FAM186A: variants seen among roughly 807,000 people sequenced by gnomAD.
The protein encoded by FAM186A is protein FAM186A.
In FAM186A, 163 loss-of-function variants were observed where a neutral mutation model predicts 216.8. The observed-to-expected ratio is 0.75, with a 90% CI of 0.66 to 0.86. The LOEUF (loss-of-function observed/expected upper bound fraction) is 0.86, where lower values mean the gene tolerates loss of function less well. FAM186A is among the 40% of genes least tolerant of loss of function. The pLI, the probability that FAM186A is intolerant of heterozygous loss-of-function variation, is 0.00. For missense variants in FAM186A, 2,184 were observed against 2,746.2 expected, an observed-to-expected ratio of 0.80 and a Z score of 4.58; for synonymous variants, 805 against 1,025.3, an observed-to-expected ratio of 0.79 and a Z score of 4.10.
chr12:50,391,425 C>T (rs1217228631), intron 1 of FAM186A, among the ~76,000 whole-genome samples: 2 of 151,404 alleles, frequency 1.3e-5, no homozygotes, highest in Admixed American at 6.6e-5. Context: ...AAGCAATTCT[C>T]CTGCCTCAGC....
chr12:50,375,393 CA>C (rs1253363336), intron 1 of FAM186A, among the ~76,000 whole-genome samples: 1 of 151,500 alleles, frequency 6.6e-6, no homozygotes, highest in Middle Eastern at 3.2e-3. Context: ...ACTAAAAATA[CA>C]AAAAATTAGC....
intron 1 of FAM186A, among the ~76,000 whole-genome samples, chr12:50,363,636 CTT>C (rs1446857199): frequency 1.3e-5 from 2 of 151,936 alleles, no homozygotes; most frequent in East Asian, 3.9e-4. Flanking sequence ...ATTAAAATGA[CTT>C]TTAATAAATC....
At chr12:50,327,977 T>A (rs1942621802) in intron 7 of FAM186A, among the ~76,000 whole-genome samples, 1 of 152,300 alleles carries the variant, frequency 6.6e-6, no homozygotes, top group African/African-American at 2.4e-5. Context: ...GAACATGGCT[T>A]AAATATTGAT....
chr12:50,351,479 C>G lies in FAM186A; in HGVS notation c.5353G>C (p.Glu1785Gln). The change falls in exon 4 of 8, where the codon GAG (glutamate) becomes CAG (glutamine). Residue 1785 changes from glutamate to glutamine, a missense_variant. Physicochemically the swap from Glu to Gln is conservative, Grantham distance 29 (BLOSUM62 2). Around this residue, in one of 7 missense-constraint regions of FAM186A, gnomAD observed 721 missense variants for 816.4 expected, o/e 0.88. Transcript: ENST00000327337. ...GKPLEMGILS[E>Q]PGKLGAPQTL... The stretch of plus-strand genomic sequence containing the variant: ...TGTGGTGCCCCAAGCTTCCCAGGCT[C>G]AGAAAGAATCCCCATTTCTAGGGGC... 1 of 1,482,968 alleles carries G rather than the reference C, an allele frequency of 6.7e-7. No individual in the cohort carries two copies. The highest frequency in any genetic ancestry group is 2.5e-5 in the East Asian group (1 of 40,608). 91.9% of individuals were successfully genotyped at this position (1,482,968 alleles called of 1,614,324 possible). A position where few individuals can be genotyped will look rare whatever the true frequency, so the allele number is the denominator to read the frequency against.
rs1427634130 is a variant in FAM186A at position 50,331,709 on chromosome 12, A to G, written c.6809T>C (p.Met2270Thr). The G allele has an allele frequency of 1.3e-6, 2 of 1,547,266 alleles. No individual in the cohort carries two copies. The highest frequency in any genetic ancestry group is 2.0e-5 in the Admixed American group (1 of 49,588). ...FVQKPFLKLL[M>T]EEDRTSDICK... is the part of the protein sequence containing the mutation. ...TATGTCAGAGGTTCTGTCCTCTTCC[A>G]TTAGTAATTTTAAGAATGGCTTTTG... is the stretch of plus-strand genomic sequence containing the variant. The change falls in exon 6 of 8, where the codon ATG becomes ACG. Residue 2270 changes from methionine to threonine, a missense_variant. Met to Thr is a moderately conservative substitution (Grantham distance 81). This residue lies in a region of FAM186A where 721 missense variants were observed against 816.4 expected (regional missense o/e 0.88). Transcript: ENST00000327337.
At chr12:50,383,278 A>AAAGAGAG (rs1555218962) in intron 1 of FAM186A, among the ~76,000 whole-genome samples, 1 of 49,244 alleles carries the variant, frequency 2.0e-5, no homozygotes, top group Non-Finnish European at 4.4e-5. Flanking sequence ...AAAAAAAAAA[A>AAAGAGAG]AGAGAGAGAG....
chr12:50,343,287 C>T (rs1421808481), intron 4 of FAM186A, among the ~76,000 whole-genome samples: 1 of 152,158 alleles, frequency 6.6e-6, no homozygotes, highest in Non-Finnish European at 1.5e-5. Context: ...AGCAATCCTC[C>T]CGCCTTAGCT....
At chr12:50,376,081 C>G (rs1235975504) in intron 1 of FAM186A, among the ~76,000 whole-genome samples, 1 of 152,162 alleles carries the variant, frequency 6.6e-6, no homozygotes, top group Non-Finnish European at 1.5e-5. Context: ...ACCAGACATA[C>G]CACAAGCAGG....
At chr12:50,380,063 A>T (rs553158130) in intron 1 of FAM186A, among the ~76,000 whole-genome samples, 1 of 152,326 alleles carries the variant, frequency 6.6e-6, no homozygotes, top group South Asian at 2.1e-4. Context: ...AATGTTTCAC[A>T]TACATACCTT....
chr12:50,387,306 G>A (rs1388318870), intron 1 of FAM186A, among the ~76,000 whole-genome samples: 1 of 152,214 alleles, frequency 6.6e-6, no homozygotes, highest in Non-Finnish European at 1.5e-5. Flanking sequence ...CTGGTTTATT[G>A]AAGAGATGCT....
Position 50,339,021 on chromosome 12 carries a change from A to AT in FAM186A, c.6504-4919dup, listed in dbSNP as rs906179783. 2.9e-3 allele frequency among the ~76,000 whole-genome samples: 423 copies of AT among 147,844 alleles called. 2 individuals carry two copies. Among genetic ancestry groups the AT allele is most frequent in the South Asian group, 0.02 (92 of 4,668 alleles). ...TTTTTACTGTTTCAAGACTGTAGTA[A>AT]TTTTTTTTTTTGAGACAGGGTCTCA... On this transcript the variant is annotated intron_variant, in intron 4 of 7. Coordinates refer to ENST00000327337, the MANE Select transcript of FAM186A (RefSeq NM_001145475.3).
chr12:50,354,553 G>A lies in FAM186A; in HGVS notation c.2279C>T (p.Pro760Leu), dbSNP rs375985408. 2 of 1,551,520 alleles carry A rather than the reference G, an allele frequency of 1.3e-6. No individual in the cohort carries two copies. The highest frequency in any genetic ancestry group is 3.9e-5 in the Admixed American group (2 of 50,976). The change falls in exon 4 of 8, where the codon CCA (proline) becomes CTA (leucine). Residue 760 changes from proline to leucine, a missense_variant. Pro to Leu is a moderately conservative substitution (Grantham distance 98). Coordinates refer to ENST00000327337, the MANE Select transcript of FAM186A (RefSeq NM_001145475.3). The part of the protein sequence containing the change: ...IKQKKVVSFM[P>L]GLHFQKSPIS... The stretch of plus-strand genomic sequence containing the variant: ...TGGTGACTTCTGAAAATGCAATCCT[G>A]GCATAAATGAGACTACCTTTTTTTG...
rs183594030 is a variant in FAM186A at position 50,355,744 on chromosome 12, G to A, written c.1088C>T (p.Ala363Val). ...CTCAGTATCACCAACTTTGATTATC[G>A]CCCTGGATGACTGTGGAGAAGGTCC... ...LPGPSPQSSR[A>V]IIKVGDTEDN... The change falls in exon 4 of 8, where the codon GCG becomes GTG. Residue 363 changes from alanine to valine, a missense_variant. Ala to Val is a moderately conservative substitution (Grantham distance 64, BLOSUM62 0). Around this residue, in one of 7 missense-constraint regions of FAM186A, gnomAD observed 1,132 missense variants for 1,263.4 expected, o/e 0.90. Transcript: ENST00000327337. The A allele has an allele frequency of 8.4e-6, 13 of 1,551,314 alleles. No homozygotes were observed. Among genetic ancestry groups the A allele is most frequent in the African/African-American group, 1.4e-5 (1 of 72,946 alleles).
chr12:50,350,233 T>C lies in FAM186A; in HGVS notation c.6503+96A>G, dbSNP rs1177671162. ...ATATAAGGCAGTCCTTTAGAACATATGGCCTGACAAATATGAATATACTTC... is the reference window on the plus strand; with the variant it reads ...ATATAAGGCAGTCCTTTAGAACATACGGCCTGACAAATATGAATATACTTC... On this transcript the variant is annotated intron_variant, in intron 4 of 7. Coordinates refer to ENST00000327337, the MANE Select transcript of FAM186A (RefSeq NM_001145475.3). The C allele has an allele frequency of 1.1e-5, 13 of 1,140,082 alleles. No homozygotes were observed. The East Asian group carries it at 2.6e-4, about 23-fold the overall frequency. 70.6% of individuals were successfully genotyped at this position (1,140,082 alleles called of 1,614,324 possible).
chr12:50,369,028 G>A (rs1313887058), intron 1 of FAM186A, among the ~76,000 whole-genome samples: 2 of 148,300 alleles, frequency 1.3e-5, no homozygotes, highest in Non-Finnish European at 3.0e-5. Context: ...ATGAAAGAAT[G>A]AAGTTGGATC....
chr12:50,351,445 C>A lies in FAM186A; in HGVS notation c.5387G>T (p.Arg1796Leu). 6.8e-7 allele frequency: 1 copy of A among 1,470,582 alleles called. No individual in the cohort carries two copies. The highest frequency in any genetic ancestry group is 1.5e-5 in the South Asian group (1 of 68,706). 91.1% of individuals were successfully genotyped at this position (1,470,582 alleles called of 1,614,324 possible). A position where few individuals can be genotyped will look rare whatever the true frequency, so the allele number is the denominator to read the frequency against. ...PGKLGAPQTL[R>L]SSGQTLVYGG... The stretch of plus-strand genomic sequence containing the variant: ...GTATACCAGGGTCTGTCCAGAGGAA[C>A]GAAGAGTCTGTGGTGCCCCAAGCTT... The change falls in exon 4 of 8, where the codon CGT becomes CTT. Residue 1796 changes from arginine (R) to leucine (L), a missense_variant. Arg to Leu is a moderately radical substitution (Grantham distance 102, BLOSUM62 -2). Coordinates refer to ENST00000327337, the MANE Select transcript of FAM186A (RefSeq NM_001145475.3).
chr12:50,366,403 G>A (rs971700081), intron 1 of FAM186A, among the ~76,000 whole-genome samples: 3 of 152,118 alleles, frequency 2.0e-5, no homozygotes, highest in Non-Finnish European at 2.9e-5. Context: ...TGAGGCCAAC[G>A]TATATCGAAG....
intron 1 of FAM186A, among the ~76,000 whole-genome samples, chr12:50,379,482 A>AC (rs1332406001): frequency 3.0e-3 from 35 of 11,852 alleles, no homozygotes; most frequent in Admixed American, 0.01. Flanking sequence ...ACAAAAACAA[A>AC]AACAAAAAAA....
At chr12:50,391,030 C>T (rs1455289910) in intron 1 of FAM186A, among the ~76,000 whole-genome samples, 1 of 151,472 alleles carries the variant, frequency 6.6e-6, no homozygotes, top group Non-Finnish European at 1.5e-5. Context: ...GCTCCGTTGC[C>T]CAGGTTGGAG....
Sources: allele counts gnomAD v4.1 joint callset (sites outside exome capture counted in the v4.1 genomes callset), GRCh38; gene constraint gnomAD v4.1.1; regional missense constraint gnomAD v4.1.1; transcripts MANE v1.5; gene names NCBI Gene and HGNC (gene_info 2026-07-23, HGNC 2026-07-21).